The following CRADD variants were observed in gnomAD, a reference collection of about 807,000 sequenced individuals.
The protein encoded by CRADD is CARD and death domain containing adaptor protein.
A neutral mutation model predicts 15.5 loss-of-function variants in CRADD; 9 were observed. The observed-to-expected ratio is 0.58, with a 90% CI of 0.35 to 1.01. The LOEUF (loss-of-function observed/expected upper bound fraction) is 1.01. Ranked by LOEUF, CRADD falls within the 50% of genes least tolerant of loss-of-function variation. The pLI is 0.02. For missense variants in CRADD, 227 were observed against 250.3 expected, an observed-to-expected ratio of 0.91 and a Z score of 0.63; for synonymous variants, 118 against 107.6, an observed-to-expected ratio of 1.10 and a Z score of -0.60.
chr12:93,680,552 A>C (rs1293823776), intron 2 of CRADD, among the ~76,000 whole-genome samples: 6 of 152,222 alleles, frequency 3.9e-5, no homozygotes, highest in Non-Finnish European at 7.3e-5. Flanking sequence ...GCTTTTTGAA[A>C]TATTAGACAT....
chr12:93,731,257 T>G (rs1165839294), intron 2 of CRADD, among the ~76,000 whole-genome samples: 1 of 152,202 alleles, frequency 6.6e-6, no homozygotes, highest in Non-Finnish European at 1.5e-5. Context: ...TAGACTCCAG[T>G]TGAAAAAAGT....
chr12:93,841,327 A>C (rs765796185), intron 2 of CRADD, among the ~76,000 whole-genome samples: 2 of 152,224 alleles, frequency 1.3e-5, no homozygotes, highest in Non-Finnish European at 2.9e-5. Flanking sequence ...TAAAAACTGT[A>C]GTATCCTCAT....
chr12:93,801,070 T>C (rs1957471899), intron 2 of CRADD, among the ~76,000 whole-genome samples: 1 of 152,216 alleles, frequency 6.6e-6, no homozygotes, highest in South Asian at 2.1e-4. Flanking sequence ...GAATATCTTT[T>C]ATTGGTGGTG....
rs562383488 is a variant in CRADD, at chr12:93,765,859, T to C, written c.299-84111T>C. 2.0e-5 allele frequency among the ~76,000 whole-genome samples: 3 copies of C among 152,118 alleles called. No homozygotes were observed. The South Asian group carries it at 6.3e-4, about 32-fold the overall frequency. The stretch of plus-strand genomic sequence containing the variant: ...GAATGTTTTATTAAGTTTTTTTTTT[T>C]CTGTGAATTAGTAAAAGACTGTCAT... On this transcript the variant is annotated intron_variant, in intron 2 of 2. Coordinates refer to ENST00000332896, the MANE Select transcript of CRADD (RefSeq NM_003805.5).
intron 2 of CRADD, among the ~76,000 whole-genome samples, chr12:93,773,813 GTTTTTT>G (rs3030268): frequency 1.1e-5 from 1 of 87,550 alleles, no homozygotes; most frequent in Non-Finnish European, 2.0e-5. Context: ...TACTTTGTGA[GTTTTTT>G]TTTTTTTTTT....
intron 2 of CRADD, among the ~76,000 whole-genome samples, chr12:93,813,380 TC>T (rs1957650996): frequency 6.6e-6 from 1 of 152,258 alleles, no homozygotes; most frequent in Non-Finnish European, 1.5e-5. Context: ...ACAACTTCTT[TC>T]TTGGCAGCTT....
chr12:93,818,333 G>A (rs1957731284), intron 2 of CRADD, among the ~76,000 whole-genome samples: 1 of 152,176 alleles, frequency 6.6e-6, no homozygotes, highest in African/African-American at 2.4e-5. Flanking sequence ...AAGGTACCTA[G>A]TGAAAAGGCA....
chr12:93,791,417 C>T (rs1231944472), intron 2 of CRADD, among the ~76,000 whole-genome samples: 2 of 151,802 alleles, frequency 1.3e-5, no homozygotes, highest in Admixed American at 6.6e-5. Context: ...GTTAAATAAG[C>T]CAATAACAGA....
intron 2 of CRADD, among the ~76,000 whole-genome samples, chr12:93,720,650 T>C (rs1160971017): frequency 6.6e-6 from 1 of 152,210 alleles, no homozygotes; most frequent in Non-Finnish European, 1.5e-5. Flanking sequence ...TTGACCCCTT[T>C]ATCATTTTGT....
At chr12:93,828,969 G>A (rs1024650885) in intron 2 of CRADD, among the ~76,000 whole-genome samples, 2 of 152,254 alleles carry the variant, frequency 1.3e-5, no homozygotes, top group East Asian at 1.9e-4. Context: ...TGAACAACTG[G>A]CATTTTAAGA....
intron 2 of CRADD, among the ~76,000 whole-genome samples, chr12:93,729,173 A>G (rs966238841): frequency 2.6e-5 from 4 of 152,238 alleles, no homozygotes; most frequent in Admixed American, 6.5e-5. Flanking sequence ...GCAAAAAACA[A>G]AAGACTCTGT....
rs530737075 is a variant in CRADD at position 93,701,672 on chromosome 12, G to A, written c.298+22600G>A. 7.9e-5 allele frequency among the ~76,000 whole-genome samples: 12 copies of A among 152,310 alleles called. No individual in the cohort carries two copies. In the East Asian group the frequency reaches 2.1e-3, roughly 27 times the overall value. ...TGCTTTGAAGATTCCAAATTCCTGA[G>A]AATATGATTCAGTTAGTGAGTAACA... On this transcript the variant is annotated intron_variant, in intron 2 of 2. Coordinates refer to ENST00000332896, the MANE Select transcript of CRADD (RefSeq NM_003805.5).
intron 2 of CRADD, among the ~76,000 whole-genome samples, chr12:93,689,602 G>A (rs1565872380): frequency 6.6e-6 from 1 of 152,172 alleles, no homozygotes; most frequent in South Asian, 2.1e-4. Flanking sequence ...CTTCTAAGAA[G>A]TGCCAAGTTG....
At chr12:93,863,622 G>A (rs1338090587) in intron 2 of CRADD, among the ~76,000 whole-genome samples, 1 of 151,074 alleles carries the variant, frequency 6.6e-6, no homozygotes, top group Non-Finnish European at 1.5e-5. Context: ...GTGTGTGTGT[G>A]TGTGTGTGTG....
At chr12:93,872,696 G>A (rs1469519414) in intron 2 of CRADD, among the ~76,000 whole-genome samples, 1 of 151,958 alleles carries the variant, frequency 6.6e-6, no homozygotes, top group East Asian at 1.9e-4. Context: ...TGGCACCTTT[G>A]TCAAAAAGTG....
chr12:93,861,767 A>C (rs774500358), intron 2 of CRADD, among the ~76,000 whole-genome samples: 30 of 152,336 alleles, frequency 2.0e-4, no homozygotes, highest in African/African-American at 7.2e-4. Flanking sequence ...CTCCAGGGGA[A>C]CATAGCTTGT....
intron 2 of CRADD, among the ~76,000 whole-genome samples, chr12:93,798,471 A>T (rs1957444292): frequency 6.6e-6 from 1 of 152,126 alleles, no homozygotes; most frequent in Non-Finnish European, 1.5e-5. Flanking sequence ...CCTTATAACA[A>T]CCCTATGAGA....
intron 2 of CRADD, among the ~76,000 whole-genome samples, chr12:93,888,424 C>CA (rs36015332): frequency 0.5 from 56,072 of 112,750 alleles, 12,546 homozygotes; most frequent in Non-Finnish European, 0.55. Context: ...GACTCCGTCT[C>CA]AAAAAAAAAA....
At chr12:93,885,037 G>A (rs1958526544) in intron 2 of CRADD, among the ~76,000 whole-genome samples, 6 of 152,132 alleles carry the variant, frequency 3.9e-5, no homozygotes, top group Admixed American at 3.9e-4. Context: ...AGGAAGAGGT[G>A]GGAATGGCCT....
Sources: allele counts gnomAD v4.1 joint callset (sites outside exome capture counted in the v4.1 genomes callset), GRCh38; gene constraint gnomAD v4.1.1; transcripts MANE v1.5; gene names NCBI Gene and HGNC (gene_info 2026-07-23, HGNC 2026-07-21).